Variants in DACH2 observed in about 807,000 individuals in gnomAD.
DACH2 encodes dachshund homolog 2.
In DACH2, 17 loss-of-function variants were observed where a neutral mutation model predicts 35.8. That is an observed-to-expected ratio of 0.48 (90% CI 0.33 to 0.71). DACH2 has a LOEUF of 0.71. DACH2 is among the 30% of genes least tolerant of loss of function. The pLI, the probability that DACH2 is intolerant of heterozygous loss-of-function variation, is 0.02. For synonymous variants in DACH2, 195 were observed against 177.3 expected (o/e 1.10, Z -0.79); for missense variants, 469 against 472.7 (o/e 0.99, Z 0.07).
intron 2 of DACH2, among the ~76,000 whole-genome samples, chrX:86,442,879 G>A (rs181137913): frequency 3.1e-4 from 35 of 111,672 alleles, no homozygotes; most frequent in South Asian, 7.5e-4. Context: ...ATGGATTTAT[G>A]TCTGGGCATG....
chrX:86,405,105 C>T, intron 2 of DACH2, among the ~76,000 whole-genome samples: 1 of 111,409 alleles, frequency 9.0e-6, no homozygotes, highest in Non-Finnish European at 1.9e-5. Flanking sequence ...TTTTTCCCTC[C>T]TAGGTCTTGG....
intron 3 of DACH2, among the ~76,000 whole-genome samples, chrX:86,516,106 T>C (rs1038601569): frequency 1.8e-5 from 2 of 111,956 alleles, no homozygotes; most frequent in Middle Eastern, 4.6e-3. Context: ...AGGGGGAAGA[T>C]AATGAATTTT....
intron 1 of DACH2, among the ~76,000 whole-genome samples, chrX:86,185,906 T>C (rs1035488496): frequency 8.9e-6 from 1 of 112,370 alleles, no homozygotes; most frequent in African/African-American, 3.2e-5. Context: ...TTTAAAGTTA[T>C]AATAATAATT....
At chrX:86,377,915 G>A (rs2148104693) in intron 2 of DACH2, among the ~76,000 whole-genome samples, 1 of 110,384 alleles carries the variant, frequency 9.1e-6, no homozygotes, top group East Asian at 2.9e-4. Context: ...TGAAGCAGTG[G>A]ATGTGCCTCC....
intron 3 of DACH2, among the ~76,000 whole-genome samples, chrX:86,551,558 G>A (rs1413188857): frequency 8.9e-6 from 1 of 112,004 alleles, no homozygotes; most frequent in African/African-American, 3.2e-5. Context: ...GAGAGTTTCT[G>A]TTGACATTTT....
chrX:86,564,229 T>C (rs2039265143), intron 3 of DACH2, among the ~76,000 whole-genome samples: 1 of 111,432 alleles, frequency 9.0e-6, no homozygotes, highest in African/African-American at 3.2e-5. Context: ...CATAATGTGA[T>C]CTCCAACCTA....
intron 1 of DACH2, among the ~76,000 whole-genome samples, chrX:86,243,539 A>AT (rs949181303): frequency 1.8e-4 from 20 of 110,251 alleles, no homozygotes; most frequent in South Asian, 1.2e-3. Flanking sequence ...TGTAAGAGAG[A>AT]TTTTTTTTTC....
At chrX:86,290,772 A>G (rs1228464419) in intron 1 of DACH2, among the ~76,000 whole-genome samples, 143 of 95,108 alleles carry the variant, frequency 1.5e-3, no homozygotes, top group South Asian at 4.1e-3. Context: ...GTTCTGTTCC[A>G]TTGATCTATA....
At chrX:86,662,845 AC>A (rs967318372) in intron 4 of DACH2, among the ~76,000 whole-genome samples, 5 of 110,929 alleles carry the variant, frequency 4.5e-5, no homozygotes, top group African/African-American at 6.6e-5. Flanking sequence ...GTTAAATAAG[AC>A]CCCTTTCAAA....
At chrX:86,580,650 G>A (rs1057165802) in intron 3 of DACH2, among the ~76,000 whole-genome samples, 1 of 111,484 alleles carries the variant, frequency 9.0e-6, no homozygotes, top group African/African-American at 3.3e-5. Flanking sequence ...AGAGCATGAA[G>A]ACTGGTTCTC....
At chrX:86,407,617 T>C (rs942746250) in intron 2 of DACH2, among the ~76,000 whole-genome samples, 2 of 112,266 alleles carry the variant, frequency 1.8e-5, no homozygotes, top group South Asian at 3.7e-4. Context: ...TAAATGGAGA[T>C]AATCCATACC....
intron 2 of DACH2, among the ~76,000 whole-genome samples, chrX:86,385,611 C>G: frequency 9.0e-6 from 1 of 111,264 alleles, no homozygotes; most frequent in Non-Finnish European, 1.9e-5. Context: ...ACATAAGGGA[C>G]TTGAGCATCC....
chrX:86,660,790 T>A (rs747784024), intron 4 of DACH2, among the ~76,000 whole-genome samples: 2 of 111,577 alleles, frequency 1.8e-5, no homozygotes, highest in Non-Finnish European at 3.8e-5. Flanking sequence ...AATTCTGCAC[T>A]GTCATGGTAT....
At chrX:86,556,708 G>C (rs1192661112) in intron 3 of DACH2, among the ~76,000 whole-genome samples, 2 of 95,205 alleles carry the variant, frequency 2.1e-5, no homozygotes, top group Non-Finnish European at 4.1e-5. Context: ...TTAGGTGAGA[G>C]ATGTGTATTA....
At chrX:86,346,385 T>TA (rs201425603) in intron 1 of DACH2, among the ~76,000 whole-genome samples, 2,008 of 109,300 alleles carry the variant, frequency 0.018, 20 homozygotes, top group Non-Finnish European at 0.027. Context: ...AGGACAAACT[T>TA]AGAGTTTCGG....
At chrX:86,437,085 C>T (rs1456718795) in intron 2 of DACH2, among the ~76,000 whole-genome samples, 3 of 111,214 alleles carry the variant, frequency 2.7e-5, no homozygotes, top group Non-Finnish European at 5.7e-5. Context: ...TACTCTATTC[C>T]AGAAACAGCT....
intron 4 of DACH2, among the ~76,000 whole-genome samples, 154 bp from the exon 5 acceptor site, chrX:86,694,867 A>G (rs1267339887): frequency 8.9e-6 from 1 of 112,045 alleles, no homozygotes; most frequent in African/African-American, 3.2e-5. Flanking sequence ...TAGACTATTG[A>G]AAGTTTTTGA....
intron 7 of DACH2, among the ~76,000 whole-genome samples, chrX:86,757,105 A>G (rs751090080): frequency 1.8e-5 from 2 of 111,246 alleles, no homozygotes; most frequent in African/African-American, 6.5e-5. Context: ...TTTCTGTTTG[A>G]TTCTGTTTGC....
At chrX:86,675,103 C>T (rs5968965) in intron 4 of DACH2, among the ~76,000 whole-genome samples, 54 of 111,523 alleles carry the variant, frequency 4.8e-4, no homozygotes, top group African/African-American at 1.6e-3. Context: ...AAGATAAGCA[C>T]TCTCCAGAAT....
Sources: allele counts gnomAD v4.1 joint callset (sites outside exome capture counted in the v4.1 genomes callset), GRCh38; gene constraint gnomAD v4.1.1; transcripts MANE v1.5; gene names NCBI Gene and HGNC (gene_info 2026-07-23, HGNC 2026-07-21).